VPS53: variants seen among roughly 807,000 people sequenced by gnomAD.
VPS53 encodes the protein vacuolar protein sorting-associated protein 53 homolog.
A neutral mutation model predicts 107.0 loss-of-function variants in VPS53; 70 were observed. The ratio of observed to expected loss-of-function variants is 0.65; its 90% CI spans 0.54 to 0.80. The LOEUF (loss-of-function observed/expected upper bound fraction) is 0.80, where lower values mean the gene tolerates loss of function less well. VPS53 is among the 30% of genes least tolerant of loss of function. The pLI is 0.00. For missense variants in VPS53, 917 were observed against 1,049.4 expected (o/e 0.87, Z 1.74); for synonymous variants, 409 against 393.3 (o/e 1.04, Z -0.47).
At chr17:632,435 C>T (rs1180176896) in intron 7 of VPS53, among the ~76,000 whole-genome samples, 3 of 152,028 alleles carry the variant, frequency 2.0e-5, no homozygotes, top group Non-Finnish European at 4.4e-5. Context: ...AGTCTTGATA[C>T]AGGCATACGA....
chr17:609,096 A>C (rs1307091237), intron 11 of VPS53, among the ~76,000 whole-genome samples: 1 of 152,228 alleles, frequency 6.6e-6, no homozygotes, highest in Non-Finnish European at 1.5e-5. Flanking sequence ...AAGGTTGTGC[A>C]GCCATCACCA....
rs1275418377 is a variant in VPS53 at position 515,783 on chromosome 17, G to C, written c.*3345C>G. The C allele has an allele frequency of 6.6e-6, 1 of 151,332 alleles. No individual in the cohort carries two copies. The highest frequency in any genetic ancestry group is 1.9e-4 in the East Asian group (1 of 5,138). The allele number at this position is 151,332 out of a possible 1,614,324, so 9.4% of individuals were successfully genotyped here. ...TGGAGAGAGCCCAATCCTGGGCATG[G>C]TCCCCACCACCACCAAAAGTCTTTT... On this transcript the variant is annotated 3_prime_UTR_variant, in exon 22 of 22. Transcript: ENST00000437048.
At chr17:527,499 G>A (rs1250387590) in intron 19 of VPS53, among the ~76,000 whole-genome samples, 1 of 152,188 alleles carries the variant, frequency 6.6e-6, no homozygotes, top group Non-Finnish European at 1.5e-5. Flanking sequence ...GCATATGTTT[G>A]GCTAACTGCC....
intron 17 of VPS53, among the ~76,000 whole-genome samples, chr17:542,965 G>A (rs1910818836): frequency 7.0e-6 from 1 of 143,390 alleles, no homozygotes; most frequent in Admixed American, 7.0e-5. Flanking sequence ...CGGATAGAGC[G>A]AGACTCTGTC....
At chr17:658,470 T>G (rs1291206950) in intron 5 of VPS53, among the ~76,000 whole-genome samples, 2 of 141,202 alleles carry the variant, frequency 1.4e-5, no homozygotes, top group African/African-American at 2.7e-5. Context: ...AACTTGGCCG[T>G]GAGTTCGTGG....
At chr17:586,558 G>C (rs575313214) in intron 12 of VPS53, among the ~76,000 whole-genome samples, 194 bp from the exon 13 acceptor site, 1 of 152,180 alleles carries the variant, frequency 6.6e-6, no homozygotes, top group Non-Finnish European at 1.5e-5. Context: ...TAACTCACTT[G>C]CTCTGGACGA....
chr17:626,402 G>C (rs1794506758), intron 10 of VPS53, among the ~76,000 whole-genome samples: 1 of 152,192 alleles, frequency 6.6e-6, no homozygotes, highest in African/African-American at 2.4e-5. Context: ...AGGTGCAGTG[G>C]CTCATGCCTG....
chr17:526,792 G>C (rs1046562845), intron 19 of VPS53, among the ~76,000 whole-genome samples: 1 of 152,208 alleles, frequency 6.6e-6, no homozygotes, highest in African/African-American at 2.4e-5. Context: ...ATCTTTGAGA[G>C]GGGCCCTTTA....
intron 7 of VPS53, among the ~76,000 whole-genome samples, chr17:649,937 A>G (rs1310885282): frequency 6.6e-6 from 1 of 152,256 alleles, no homozygotes; most frequent in African/African-American, 2.4e-5. Flanking sequence ...GCCAAATAGC[A>G]CAATGGATGC....
intron 10 of VPS53, 74 bp from the exon 11 acceptor site, chr17:623,748 T>C: frequency 6.9e-7 from 1 of 1,454,554 alleles, no homozygotes; most frequent in Non-Finnish European, 9.2e-7. Flanking sequence ...TAAATGGCCT[T>C]AGCTTATATT....
intron 4 of VPS53, among the ~76,000 whole-genome samples, chr17:677,505 T>C (rs185162720): frequency 3.5e-4 from 54 of 152,296 alleles, no homozygotes; most frequent in African/African-American, 1.2e-3. Context: ...AGAGTTTCTA[T>C]TTGGGGTGAT....
intron 18 of VPS53, chr17:536,814 A>G: frequency 1.8e-6 from 1 of 556,172 alleles, no homozygotes; most frequent in Non-Finnish European, 3.1e-6. Flanking sequence ...GGTGATAATG[A>G]CGTGTTGATG....
rs760557601 is a variant in VPS53, at chr17:516,323, T to G, written c.*2805A>C. 6 of 152,170 alleles carry G rather than the reference T, an allele frequency of 3.9e-5. No homozygotes were observed. Among genetic ancestry groups the G allele is most frequent in the Non-Finnish European group, 7.3e-5 (5 of 68,032 alleles). 9.4% of individuals were successfully genotyped at this position (152,170 alleles called of 1,614,324 possible). On this transcript the variant is annotated 3_prime_UTR_variant, in exon 22 of 22. Transcript: ENST00000437048. Reference sequence around the variant, plus strand: ...TACCTATGGAACTTTTAAACCTGTATGCCAGGCCCCATCCAAACTTACTGA... The same window carrying G: ...TACCTATGGAACTTTTAAACCTGTAGGCCAGGCCCCATCCAAACTTACTGA...
intron 20 of VPS53, 53 bp downstream of exon 20, chr17:521,548 C>A: frequency 6.8e-7 from 1 of 1,476,402 alleles, no homozygotes. Context: ...ACCAAGGCTT[C>A]TCAGAAAAAG....
chr17:609,319 C>T (rs7211415), intron 11 of VPS53, among the ~76,000 whole-genome samples: 150,941 of 152,352 alleles, frequency 0.99, 74,793 homozygotes, highest in East Asian at 1. Flanking sequence ...GGTCAGGGCA[C>T]GTATCAGCAC....
intron 7 of VPS53, among the ~76,000 whole-genome samples, chr17:633,566 C>T (rs1263402775): frequency 6.6e-6 from 1 of 152,050 alleles, no homozygotes; most frequent in Admixed American, 6.6e-5. Flanking sequence ...CTGTTTTTTC[C>T]GTGGCGTGGT....
chr17:627,983 T>C, intron 9 of VPS53, 105 bp downstream of exon 9: 1 of 1,168,332 alleles, frequency 8.6e-7, no homozygotes, highest in Non-Finnish European at 1.2e-6. Context: ...CAACCAACAC[T>C]GTCAGACAGT....
chr17:589,805 T>C (rs1291728058), intron 12 of VPS53, among the ~76,000 whole-genome samples: 2 of 152,106 alleles, frequency 1.3e-5, no homozygotes, highest in Non-Finnish European at 2.9e-5. Context: ...TGAAGTCAGG[T>C]AGTGTGATGC....
intron 7 of VPS53, among the ~76,000 whole-genome samples, chr17:644,495 T>C (rs1379373056): frequency 1.3e-5 from 2 of 152,180 alleles, no homozygotes; most frequent in Non-Finnish European, 2.9e-5. Context: ...TGGACTTTTC[T>C]CAAACGTTTA....
Sources: gnomAD v4.1 joint callset for allele counts (sites outside exome capture counted in the v4.1 genomes callset) on GRCh38, gnomAD v4.1.1 for gene constraint, MANE v1.5 for transcripts, NCBI Gene and HGNC (gene_info 2026-07-23, HGNC 2026-07-21) for gene names.